The following ESYT3 variants were observed in gnomAD, a reference collection of about 807,000 sequenced individuals.
ESYT3 encodes extended synaptotagmin 3.
A neutral mutation model predicts 111.5 loss-of-function variants in ESYT3; 101 were observed. The observed-to-expected ratio is 0.91, with a 90% confidence interval of 0.77 to 1.07. The LOEUF (loss-of-function observed/expected upper bound fraction) is 1.07. Among genes scored for constraint, ESYT3 ranks in the 50% least tolerant of loss-of-function variants. The pLI is 0.00. For synonymous variants in ESYT3, 416 were observed against 446.8 expected (o/e 0.93, Z 0.87); for missense variants, 1,097 against 1,109.4 (o/e 0.99, Z 0.16).
intron 2 of ESYT3, among the ~76,000 whole-genome samples, chr3:138,452,885 T>G (rs1355735173): frequency 6.6e-6 from 1 of 152,228 alleles, no homozygotes; most frequent in Non-Finnish European, 1.5e-5. Flanking sequence ...CCAAGATTGC[T>G]GTTTTCACAT....
chr3:138,454,727 T>C (rs756262827), intron 2 of ESYT3, among the ~76,000 whole-genome samples: 4 of 152,232 alleles, frequency 2.6e-5, no homozygotes, highest in Non-Finnish European at 5.9e-5. Context: ...GTCATTCTGC[T>C]GCAGAAATCG....
intron 12 of ESYT3, 39 bp from the exon 13 acceptor site, chr3:138,468,612 CTGCT>C: frequency 6.2e-7 from 1 of 1,604,388 alleles, no homozygotes; most frequent in Non-Finnish European, 8.5e-7. Context: ...TCTTTGTGTC[CTGCT>C]GCTGGGAGTA....
chr3:138,470,814 A>G (rs2033177182), intron 16 of ESYT3, 63 bp from the exon 17 acceptor site: 1 of 1,607,878 alleles, frequency 6.2e-7, no homozygotes, highest in Non-Finnish European at 8.5e-7. Context: ...TGGGGCTCAG[A>G]TACTAGTAGT....
At position 138,435,766 on chromosome 3, in the gene ESYT3, C is replaced by G. The variant is rs559519200; in HGVS notation, c.327+641C>G. On this transcript the variant is annotated intron_variant, in intron 1 of 22. Coordinates refer to ENST00000389567, the MANE Select transcript of ESYT3 (RefSeq NM_031913.5). The surrounding 1 kb of genome is among the most constrained non-coding windows in gnomAD (Gnocchi z 4.8). ...TCCTGGGGCGGCATGGGCGGCACTA[C>G]GATTCCTCAAACGCTTCTGGTCCTG... is the stretch of plus-strand genomic sequence containing the variant. 3.3e-5 allele frequency among the ~76,000 whole-genome samples: 5 copies of G among 152,206 alleles called. No homozygotes were observed. The highest frequency in any genetic ancestry group is 1.2e-4 in the African/African-American group (5 of 41,456).
chr3:138,476,562 T>C (rs551402125), intron 22 of ESYT3, 70 bp downstream of exon 22: 1 of 1,477,598 alleles, frequency 6.8e-7, no homozygotes, highest in African/African-American at 1.4e-5. Context: ...TCAGTACTGT[T>C]TCAGCTCCTT....
At chr3:138,456,630 C>T (rs2032292367) in intron 3 of ESYT3, among the ~76,000 whole-genome samples, 2 of 152,176 alleles carry the variant, frequency 1.3e-5, no homozygotes, top group Non-Finnish European at 2.9e-5. Context: ...GCATTAAATT[C>T]TTATAGGAGC....
chr3:138,437,795 G>C (rs771031883), intron 1 of ESYT3, among the ~76,000 whole-genome samples: 1 of 152,126 alleles, frequency 6.6e-6, no homozygotes, highest in African/African-American at 2.4e-5. Context: ...GGCCTCTAGA[G>C]TAGGGGTGCA....
In ESYT3 at chr3:138,472,769, G is replaced by A. The variant is rs1335600158; in HGVS notation, c.2147G>A (p.Trp716Ter). The change falls in exon 18 of 23, where the codon TGG (tryptophan) becomes TAG (stop). Residue 716 changes from tryptophan to a stop codon, truncating the protein, a stop_gained. Coordinates refer to ENST00000389567, the MANE Select transcript of ESYT3 (RefSeq NM_031913.5). LOFTEE classifies it high-confidence loss of function. The part of the protein sequence containing the change: ...PMKCPASPFA[W>*]PPKRLAPSMS... The stretch of plus-strand genomic sequence containing the variant: ...AAATGCCCTGCCTCCCCATTCGCAT[G>A]GCCGCCCAAGAGGCTGGCTCCCAGC... The A allele has an allele frequency of 3.1e-6, 5 of 1,614,066 alleles. No homozygotes were observed. The highest frequency in any genetic ancestry group is 4.2e-6 in the Non-Finnish European group (5 of 1,180,044).
intron 20 of ESYT3, among the ~76,000 whole-genome samples, chr3:138,475,943 C>T (rs1576472877): frequency 6.6e-6 from 1 of 152,114 alleles, no homozygotes; most frequent in Admixed American, 6.5e-5. Context: ...AGAGTGGTAG[C>T]AAAGGTAGAA....
At chr3:138,459,539 C>T (rs893402706) in intron 5 of ESYT3, among the ~76,000 whole-genome samples, 8 of 152,156 alleles carry the variant, frequency 5.3e-5, no homozygotes, top group Non-Finnish European at 1.0e-4. Flanking sequence ...GTTCATGGAG[C>T]GATGGAAAGC....
At chr3:138,465,843 G>A (rs1679165) in intron 10 of ESYT3, among the ~76,000 whole-genome samples, 74,167 of 151,864 alleles carry the variant, frequency 0.49, 19,121 homozygotes, top group Admixed American at 0.63. Flanking sequence ...GGTGGGGCTG[G>A]CTATCAAAAT....
rs1006265174 is a variant in ESYT3 at position 138,478,649 on chromosome 3, C to A, written c.*1795C>A. 1 of 152,120 alleles carries A rather than the reference C, an allele frequency of 6.6e-6. No individual in the cohort carries two copies. Among genetic ancestry groups the A allele is most frequent in the African/African-American group, 2.4e-5 (1 of 41,430 alleles). 9.4% of individuals were successfully genotyped at this position (152,120 alleles called of 1,614,324 possible). ...TTGAACCGTTTTTACCTGTGTCAGG[C>A]AACACAGGTAAATACCTGGTGATGG... On this transcript the variant is annotated 3_prime_UTR_variant, in exon 23 of 23. Coordinates refer to ENST00000389567, the MANE Select transcript of ESYT3 (RefSeq NM_031913.5).
At chr3:138,458,015 G>A (rs1046246588) in intron 4 of ESYT3, among the ~76,000 whole-genome samples, 4 of 152,152 alleles carry the variant, frequency 2.6e-5, no homozygotes, top group African/African-American at 9.7e-5. Context: ...CAGGAAAATA[G>A]AGAATGCAAA....
At chr3:138,474,016 C>T (rs2033367129) in intron 19 of ESYT3, among the ~76,000 whole-genome samples, 1 of 152,206 alleles carries the variant, frequency 6.6e-6, no homozygotes, top group African/African-American at 2.4e-5. Flanking sequence ...ATTTTGTCCT[C>T]TAAATTCTAC....
At position 138,474,260 on chromosome 3, in the gene ESYT3, C is replaced by T. The variant is rs377396398; in HGVS notation, c.2376C>T (p.Tyr792=). The T allele has an allele frequency of 6.8e-5, 110 of 1,609,524 alleles. No individual in the cohort carries two copies. In the African/African-American group the frequency reaches 1.1e-3, roughly 17 times the overall value. Residue 792 remains tyrosine (Y), a synonymous_variant, in exon 20 of 23, where the codon TAC becomes TAT. Transcript: ENST00000389567. The part of the protein sequence containing the change: ...TPCTSSGADP[Y]VRVYLLPERK... ...GTACCAGCAGTGGAGCTGATCCCTA[C>T]GTCCGTGTCTACTTGTTGCCAGAAA... is the stretch of plus-strand genomic sequence containing the variant.
intron 7 of ESYT3, among the ~76,000 whole-genome samples, chr3:138,461,760 CT>C (rs1367869926): frequency 6.6e-6 from 1 of 152,154 alleles, no homozygotes; most frequent in Non-Finnish European, 1.5e-5. Flanking sequence ...GGCTACACAG[CT>C]AGTCGATGGT....
intron 20 of ESYT3, 138 bp from the exon 21 acceptor site, chr3:138,476,085 G>C: frequency 1.6e-6 from 1 of 630,644 alleles, no homozygotes; most frequent in South Asian, 1.9e-5. Flanking sequence ...ATCGTGAGTA[G>C]TTATGAGCCA....
rs1207242847 is a variant in ESYT3 at position 138,470,965 on chromosome 3, A to G, written c.1679A>G (p.Gln560Arg). The G allele has an allele frequency of 2.5e-6, 4 of 1,614,048 alleles. No homozygotes were observed. Among genetic ancestry groups the G allele is most frequent in the African/African-American group, 1.3e-5 (1 of 74,924 alleles). ...CCCTATGCTGACCTCACTCTTGAGC[A>G]GCGCTTTCAGCTGGACCACTCAGGC... is the stretch of plus-strand genomic sequence containing the variant. ...ILPYADLTLE[Q>R]RFQLDHSGLD... The change falls in exon 17 of 23, where the codon CAG becomes CGG. Residue 560 changes from glutamine to arginine, a missense_variant. By Grantham distance (43) the Gln-to-Arg change is conservative. Coordinates refer to ENST00000389567, the MANE Select transcript of ESYT3 (RefSeq NM_031913.5).
At chr3:138,444,082 G>A (rs894663087) in intron 1 of ESYT3, among the ~76,000 whole-genome samples, 1 of 152,200 alleles carries the variant, frequency 6.6e-6, no homozygotes, top group East Asian at 1.9e-4. Context: ...CTCTTTGGTG[G>A]CCTGTCTAGC....
Sources: allele counts gnomAD v4.1 joint callset (sites outside exome capture counted in the v4.1 genomes callset), GRCh38; gene constraint gnomAD v4.1.1; non-coding constraint Gnocchi (gnomAD v3.1); transcripts MANE v1.5; gene names NCBI Gene and HGNC (gene_info 2026-07-23, HGNC 2026-07-21).